Variants in TSC22D1 observed in about 807,000 individuals in gnomAD.
The protein encoded by TSC22D1 is TSC22 domain family member 1.
Under a neutral mutation model 74.2 loss-of-function variants are expected in TSC22D1, and 9 were observed. The observed-to-expected ratio is 0.12, with a 90% CI of 0.07 to 0.21. The LOEUF is 0.21. TSC22D1 is among the 10% of genes least tolerant of loss of function. The pLI is 1.00. For synonymous variants in TSC22D1, 586 were observed against 492.5 expected, an observed-to-expected ratio of 1.19 and a Z score of -2.51; for missense variants, 1,427 against 1,304.7, an observed-to-expected ratio of 1.09 and a Z score of -1.44.
At chr13:44,509,771 AG>A (rs1176344806) in intron 1 of TSC22D1, among the ~76,000 whole-genome samples, 1 of 152,164 alleles carries the variant, frequency 6.6e-6, no homozygotes, top group Non-Finnish European at 1.5e-5. Flanking sequence ...AAAACATAAA[AG>A]CTAAGAAAGA....
At chr13:44,567,459 TA>T (rs1428109709) in intron 1 of TSC22D1, among the ~76,000 whole-genome samples, 1 of 137,378 alleles carries the variant, frequency 7.3e-6, no homozygotes. Context: ...CCAAAGCAAA[TA>T]AAAAGTAAGA....
chr13:44,472,166 GA>G (rs1000544673), intron 1 of TSC22D1, among the ~76,000 whole-genome samples: 1 of 152,118 alleles, frequency 6.6e-6, no homozygotes, highest in South Asian at 2.1e-4. Context: ...TATGTATAGG[GA>G]AAAAACATAC....
At chr13:44,453,668 G>A (rs1447848471) in intron 1 of TSC22D1, among the ~76,000 whole-genome samples, 1 of 152,132 alleles carries the variant, frequency 6.6e-6, no homozygotes, top group Non-Finnish European at 1.5e-5. Context: ...CAAAAAGTGG[G>A]CTATTTCTAG....
intron 1 of TSC22D1, among the ~76,000 whole-genome samples, chr13:44,487,498 CAAAAAAAAA>C (rs61034237): frequency 4.7e-4 from 11 of 23,460 alleles, no homozygotes; most frequent in African/African-American, 8.7e-4. Flanking sequence ...GACTCCATCT[CAAAAAAAAA>C]AAAAAAAAAA....
intron 1 of TSC22D1, among the ~76,000 whole-genome samples, chr13:44,473,648 A>G (rs948757078): frequency 1.2e-4 from 18 of 152,272 alleles, no homozygotes; most frequent in African/African-American, 4.3e-4. Flanking sequence ...ATAGATGTAT[A>G]TATTTTTAAA....
At chr13:44,537,852 C>G in intron 1 of TSC22D1, 1 of 985,156 alleles carries the variant, frequency 1.0e-6, no homozygotes, top group Non-Finnish European at 1.2e-6. Flanking sequence ...GCTTCTAAAA[C>G]TTTTGAGATT....
intron 1 of TSC22D1, chr13:44,537,354 T>C: frequency 4.1e-6 from 4 of 985,128 alleles, no homozygotes; most frequent in Non-Finnish European, 4.8e-6. Context: ...TGTAGTGGCA[T>C]GAGGTGACTA....
At chr13:44,551,389 G>GGGGTGTGTGT (rs1555272493) in intron 1 of TSC22D1, among the ~76,000 whole-genome samples, 1 of 125,252 alleles carries the variant, frequency 8.0e-6, no homozygotes, top group Non-Finnish European at 1.7e-5. Flanking sequence ...CAATCAGATG[G>GGGGTGTGTGT]GTGTGTGTGT....
chr13:44,575,590 G>A lies in TSC22D1; in HGVS notation c.485C>T (p.Ala162Val), dbSNP rs768729798. ...GCGTTCGGGCTCCCCTAAGTCAGTAGCCCTGGAAAGTGACACATCAAGGAT... is the reference window on the plus strand; with the variant it reads ...GCGTTCGGGCTCCCCTAAGTCAGTAACCCTGGAAAGTGACACATCAAGGAT... ...SEILDVSLSR[A>V]TDLGEPERSS... is the part of the protein sequence containing the mutation. The change falls in exon 1 of 3, where the codon GCT becomes GTT. Residue 162 changes from alanine to valine, a missense_variant. Physicochemically the swap from Ala to Val is moderately conservative, Grantham distance 64. Around this residue, in one of 3 missense-constraint regions of TSC22D1, gnomAD observed 1,343 missense variants for 1,191.5 expected, o/e 1.13. Coordinates refer to ENST00000458659, the MANE Select transcript of TSC22D1 (RefSeq NM_183422.4). The A allele has an allele frequency of 1.6e-5, 26 of 1,614,062 alleles. No individual in the cohort carries two copies. The highest frequency in any genetic ancestry group is 2.1e-5 in the Non-Finnish European group (25 of 1,180,028).
chr13:44,507,178 G>A lies in TSC22D1; in HGVS notation c.2912+65985C>T, dbSNP rs1175238. On this transcript the variant is annotated intron_variant, in intron 1 of 2. Transcript: ENST00000458659. Reference sequence around the variant, plus strand: ...AAGAACTACAGCAAATGCTTCAGGAGTAAGTAGACAGAAAGGAACAGAACT... The same window carrying A: ...AAGAACTACAGCAAATGCTTCAGGAATAAGTAGACAGAAAGGAACAGAACT... Among the ~76,000 whole-genome samples, 833 of 152,328 alleles carry A rather than the reference G, an allele frequency of 5.5e-3. 13 individuals carry two copies. Among genetic ancestry groups the A allele is most frequent in the African/African-American group, 0.019 (785 of 41,562 alleles).
upstream of TSC22D1, chr13:44,576,644 G>C (rs959847343): frequency 6.6e-6 from 1 of 150,846 alleles, no homozygotes; most frequent in Non-Finnish European, 1.5e-5. Flanking sequence ...CCCTCCCCCC[G>C]CGCCCCGCAG....
intron 1 of TSC22D1, among the ~76,000 whole-genome samples, chr13:44,568,827 T>C (rs916516641): frequency 3.3e-5 from 5 of 152,044 alleles, no homozygotes; most frequent in Admixed American, 6.6e-5. Flanking sequence ...GATGAAAACC[T>C]GGGAGTGGAG....
intron 1 of TSC22D1, among the ~76,000 whole-genome samples, chr13:44,468,494 G>C (rs1029691236): frequency 6.7e-6 from 1 of 149,678 alleles, no homozygotes; most frequent in African/African-American, 2.4e-5. Flanking sequence ...ACAGTCACCT[G>C]GGACACAGAG....
Position 44,434,886 on chromosome 13 carries a change from G to A in TSC22D1, c.2965-3C>T, listed in dbSNP as rs1263696148. Reference sequence around the variant, plus strand: ...ATCAAATGGCTTTTCACTAGATCCTGGAAAGAAGACAGAAAAGGTTTAACT... The same window carrying A: ...ATCAAATGGCTTTTCACTAGATCCTAGAAAGAAGACAGAAAAGGTTTAACT... On this transcript the variant is annotated splice_polypyrimidine_tract_variant and splice_region_variant and intron_variant, in intron 2 of 2. Coordinates refer to ENST00000458659, the MANE Select transcript of TSC22D1 (RefSeq NM_183422.4). 1 of 1,608,970 alleles carries A rather than the reference G, an allele frequency of 6.2e-7. No homozygotes were observed. The highest frequency in any genetic ancestry group is 8.5e-7 in the Non-Finnish European group (1 of 1,177,674).
intron 1 of TSC22D1, among the ~76,000 whole-genome samples, chr13:44,555,962 C>A (rs1055906558): frequency 2.8e-4 from 43 of 151,918 alleles, no homozygotes; most frequent in African/African-American, 1.0e-3. Flanking sequence ...GAAATGCAAT[C>A]GACTTGCACG....
chr13:44,432,478 T>C lies in TSC22D1; in HGVS notation c.*2148A>G, dbSNP rs2138832176. 1 of 152,374 alleles carries C rather than the reference T, an allele frequency of 6.6e-6. No homozygotes were observed. Among genetic ancestry groups the C allele is most frequent in the South Asian group, 2.1e-4 (1 of 4,832 alleles). 9.4% of individuals were successfully genotyped at this position (152,374 alleles called of 1,614,324 possible). A position where few individuals can be genotyped will look rare whatever the true frequency, so the allele number is the denominator to read the frequency against. On this transcript the variant is annotated 3_prime_UTR_variant, in exon 3 of 3. Coordinates refer to ENST00000458659, the MANE Select transcript of TSC22D1 (RefSeq NM_183422.4). Reference sequence around the variant, plus strand: ...CCAACAAGCCAATATGAAAGATTTTTCTTTACGTCCTTTTCAAATTCCCCC... The same window carrying C: ...CCAACAAGCCAATATGAAAGATTTTCCTTTACGTCCTTTTCAAATTCCCCC...
At position 44,575,632 on chromosome 13, in the gene TSC22D1, T is replaced by G; in HGVS notation, c.443A>C (p.Asp148Ala). The change falls in exon 1 of 3, where the codon GAT (aspartate) becomes GCT (alanine). Residue 148 changes from aspartate to alanine, a missense_variant. Physicochemically the swap from Asp to Ala is moderately radical, Grantham distance 126 (BLOSUM62 -2). This residue lies in a region of TSC22D1 where 1,343 missense variants were observed against 1,191.5 expected (regional missense o/e 1.13). Transcript: ENST00000458659. ...YDDLDESHTE[D>A]LSSSEILDVS... ...ATCAAGGATCTCCGAAGAAGAGAGA[T>G]CTTCCGTGTGAGATTCATCCAGATC... 6.2e-7 allele frequency: 1 copy of G among 1,614,174 alleles called. No individual in the cohort carries two copies. The highest frequency in any genetic ancestry group is 8.5e-7 in the Non-Finnish European group (1 of 1,180,030).
In TSC22D1 at chr13:44,455,625, C is replaced by T. The variant is rs1258563799; in HGVS notation, c.2913-19530G>A. Among the ~76,000 whole-genome samples the T allele has an allele frequency of 2.0e-5, 3 of 152,316 alleles. No individual in the cohort carries two copies. In the South Asian group the frequency reaches 6.2e-4, roughly 32 times the overall value. On this transcript the variant is annotated intron_variant, in intron 1 of 2. Coordinates refer to ENST00000458659, the MANE Select transcript of TSC22D1 (RefSeq NM_183422.4). The stretch of plus-strand genomic sequence containing the variant: ...AATAAGTCAGGTCCTCCTGTAGAAT[C>T]ATCTGTCTACAAAATTTAAGCACTA...
chr13:44,474,603 T>C (rs1877790660), intron 1 of TSC22D1, among the ~76,000 whole-genome samples: 1 of 152,136 alleles, frequency 6.6e-6, no homozygotes, highest in Admixed American at 6.6e-5. Flanking sequence ...TTCCCCACTT[T>C]TGACACACTT....
Sources: gnomAD v4.1 joint callset for allele counts (sites outside exome capture counted in the v4.1 genomes callset) on GRCh38, gnomAD v4.1.1 for gene constraint, gnomAD v4.1.1 regional missense constraint, MANE v1.5 for transcripts, NCBI Gene and HGNC (gene_info 2026-07-23, HGNC 2026-07-21) for gene names.